The following MAST4 variants were observed in gnomAD, a reference collection of about 807,000 sequenced individuals.
The protein encoded by MAST4 is microtubule associated serine/threonine kinase family member 4.
MAST4 carries 89 observed loss-of-function variants against 162.7 expected under a neutral mutation model. That is an observed-to-expected ratio of 0.55 (90% CI 0.46 to 0.65). MAST4 has a LOEUF of 0.65. MAST4 is among the 30% of genes least tolerant of loss of function. The probability of loss-of-function intolerance (pLI) is 0.00; values close to 1 mark genes in which losing one functional copy is unlikely to be tolerated. For missense variants in MAST4, 3,153 were observed against 3,374.0 expected, an observed-to-expected ratio of 0.93 and a Z score of 1.62; for synonymous variants, 1,479 against 1,361.1, an observed-to-expected ratio of 1.09 and a Z score of -1.91.
At chr5:67,068,122 AAGACCTGGGACATCTCC>A (rs1760464976) in intron 5 of MAST4, among the ~76,000 whole-genome samples, 1 of 152,156 alleles carries the variant, frequency 6.6e-6, no homozygotes, top group Admixed American at 6.5e-5. Context: ...AGAATCAGGA[AAGACCTGGGACATCTCC>A]AGAGTGAGCC....
At chr5:67,119,894 T>C (rs535881523) in intron 13 of MAST4, among the ~76,000 whole-genome samples, 3 of 151,792 alleles carry the variant, frequency 2.0e-5, no homozygotes, top group African/African-American at 7.3e-5. Flanking sequence ...CCCAAACCCA[T>C]GAAAGAGCAG....
At chr5:66,708,723 G>A (rs972363480) in intron 1 of MAST4, among the ~76,000 whole-genome samples, 2 of 152,260 alleles carry the variant, frequency 1.3e-5, no homozygotes, top group South Asian at 2.1e-4. Flanking sequence ...TTGCAAACCC[G>A]TTTAGTAGCC....
chr5:67,078,381 G>T (rs1214967418), intron 5 of MAST4, among the ~76,000 whole-genome samples: 1 of 149,916 alleles, frequency 6.7e-6, no homozygotes, highest in Non-Finnish European at 1.5e-5. Flanking sequence ...GAACTCAGTG[G>T]AATGAAGTAC....
chr5:66,633,700 G>GT (rs929616427), intron 1 of MAST4, among the ~76,000 whole-genome samples: 10 of 152,136 alleles, frequency 6.6e-5, no homozygotes, highest in Admixed American at 4.6e-4. Context: ...GGCTAGGTTT[G>GT]TTTGTTTTCC....
At chr5:67,077,099 TGTCTGGCCTG>T (rs1172162618) in intron 5 of MAST4, among the ~76,000 whole-genome samples, 8 of 152,168 alleles carry the variant, frequency 5.3e-5, no homozygotes, top group African/African-American at 1.9e-4. Context: ...AAACTTAAGG[TGTCTGGCCTG>T]GTCTGGCCTA....
intron 23 of MAST4, among the ~76,000 whole-genome samples, chr5:67,147,165 C>T (rs1485636593): frequency 6.6e-6 from 1 of 151,982 alleles, no homozygotes; most frequent in Non-Finnish European, 1.5e-5. Flanking sequence ...CCATCTTTCT[C>T]TCTCTCTCTC....
intron 3 of MAST4, among the ~76,000 whole-genome samples, chr5:66,849,197 C>T (rs1759117160): frequency 6.6e-6 from 1 of 152,122 alleles, no homozygotes; most frequent in South Asian, 2.1e-4. Flanking sequence ...GGCATTGTTG[C>T]AGAGCTGATG....
intron 4 of MAST4, among the ~76,000 whole-genome samples, chr5:66,984,054 A>C (rs779240449): frequency 6.6e-6 from 1 of 152,182 alleles, no homozygotes; most frequent in Non-Finnish European, 1.5e-5. Flanking sequence ...ACGGTGACAG[A>C]CAGGATAGAG....
chr5:66,679,525 C>G (rs905230425), intron 1 of MAST4, among the ~76,000 whole-genome samples: 1 of 151,994 alleles, frequency 6.6e-6, no homozygotes, highest in African/African-American at 2.4e-5. Flanking sequence ...GTATAAACTT[C>G]GCTGAAGAGG....
intron 1 of MAST4, among the ~76,000 whole-genome samples, chr5:66,644,600 T>C (rs548045085): frequency 1.3e-5 from 2 of 152,274 alleles, no homozygotes; most frequent in Non-Finnish European, 2.9e-5. Context: ...CTCCAAAGGA[T>C]ACAAGTAGGA....
chr5:66,669,509 A>T (rs943736819), intron 1 of MAST4, among the ~76,000 whole-genome samples: 6 of 152,116 alleles, frequency 3.9e-5, no homozygotes, highest in African/African-American at 1.4e-4. Context: ...GAGTGTTGCA[A>T]CCCAGTTGAC....
intron 4 of MAST4, among the ~76,000 whole-genome samples, chr5:66,999,848 A>G (rs1038263435): frequency 6.6e-6 from 1 of 152,148 alleles, no homozygotes. Context: ...TATCTGTCTT[A>G]GTTTTCAGCA....
At chr5:67,151,882 C>A (rs1771877459) in intron 24 of MAST4, among the ~76,000 whole-genome samples, 1 of 151,696 alleles carries the variant, frequency 6.6e-6, no homozygotes, top group African/African-American at 2.4e-5. Context: ...ATCCTCTCAC[C>A]TCAGTCTCCC....
At chr5:66,615,806 C>T (rs1242712878) in intron 1 of MAST4, among the ~76,000 whole-genome samples, 1 of 152,134 alleles carries the variant, frequency 6.6e-6, no homozygotes, top group Non-Finnish European at 1.5e-5. Flanking sequence ...AGATCCTTGA[C>T]TCAAAGAAAG....
At chr5:66,732,961 T>C (rs767436080) in intron 1 of MAST4, among the ~76,000 whole-genome samples, 1 of 152,192 alleles carries the variant, frequency 6.6e-6, no homozygotes, top group Non-Finnish European at 1.5e-5. Context: ...TCCTGCTGTT[T>C]TTTCTGCCTG....
chr5:66,711,661 C>T (rs902731760), intron 1 of MAST4, among the ~76,000 whole-genome samples: 2 of 152,080 alleles, frequency 1.3e-5, no homozygotes, highest in Non-Finnish European at 2.9e-5. Context: ...ATGGTGAAAC[C>T]CCATCTCCAC....
chr5:66,677,330 G>C (rs1257213045), intron 1 of MAST4, among the ~76,000 whole-genome samples: 1 of 152,168 alleles, frequency 6.6e-6, no homozygotes, highest in Non-Finnish European at 1.5e-5. Context: ...GTAAAAGTCT[G>C]TGCTGGTGCC....
chr5:66,670,091 G>A (rs1747513071), intron 1 of MAST4, among the ~76,000 whole-genome samples: 1 of 152,200 alleles, frequency 6.6e-6, no homozygotes, highest in African/African-American at 2.4e-5. Context: ...GAGTTCCAGC[G>A]AAGGTGTGGC....
At chr5:66,842,962 A>G (rs1435462185) in intron 3 of MAST4, among the ~76,000 whole-genome samples, 1 of 152,144 alleles carries the variant, frequency 6.6e-6, no homozygotes, top group Non-Finnish European at 1.5e-5. Context: ...TGCATCTTTA[A>G]TACTAACACT....
Sources: gnomAD v4.1 joint callset for allele counts (sites outside exome capture counted in the v4.1 genomes callset) on GRCh38, gnomAD v4.1.1 for gene constraint, MANE v1.5 for transcripts, NCBI Gene and HGNC (gene_info 2026-07-23, HGNC 2026-07-21) for gene names.